ASMTL: variants seen among roughly 807,000 people sequenced by gnomAD.
The protein encoded by ASMTL is acetylserotonin O-methyltransferase like, also known as probable bifunctional dTTP/UTP pyrophosphatase/methyltransferase protein.
A neutral mutation model predicts 60.3 loss-of-function variants in ASMTL; 57 were observed. The observed-to-expected ratio is 0.95, with a 90% CI of 0.76 to 1.18. ASMTL has a LOEUF of 1.18. Among genes scored for constraint, ASMTL ranks in the 50% most tolerant of loss-of-function variants. The pLI, the probability that ASMTL is intolerant of heterozygous loss-of-function variation, is 0.00. For synonymous variants in ASMTL, 419 were observed against 373.0 expected (o/e 1.12, Z -1.42); for missense variants, 981 against 852.6 (o/e 1.15, Z -1.88).
At chrX:1,414,412 C>T (rs2090158572) in intron 11 of ASMTL, among the ~76,000 whole-genome samples, 1 of 152,130 alleles carries the variant, frequency 6.6e-6, no homozygotes, top group Non-Finnish European at 1.5e-5. Flanking sequence ...TTTCAGGGCT[C>T]ATGATTTTAA....
chrX:1,407,931 G>A (rs1407195332), intron 12 of ASMTL, among the ~76,000 whole-genome samples: 2 of 152,052 alleles, frequency 1.3e-5, no homozygotes, highest in Non-Finnish European at 2.9e-5. Context: ...GAGGCCGGGT[G>A]CAGTGGCTCA....
In ASMTL at chrX:1,412,814, G is replaced by A. The variant is rs753552297; in HGVS notation, c.1563C>T (p.Tyr521=). The A allele has an allele frequency of 3.1e-5, 50 of 1,613,854 alleles. No individual in the cohort carries two copies. Among genetic ancestry groups the A allele is most frequent in the Admixed American group, 1.2e-4 (7 of 59,994 alleles). Residue 521 remains tyrosine, a synonymous_variant, in exon 12 of 13, where the codon TAC becomes TAT. Transcript: ENST00000381317. ...AGTCATGCAGGATCCGGCACAGGAC[G>A]TACAGCTCAGCGCTGGGGAGGGGGT... ...FRDPLPSAEL[Y]VLCRILHDWP...
At chrX:1,451,972 C>G (rs142549146) in intron 1 of ASMTL, among the ~76,000 whole-genome samples, 20 of 146,640 alleles carry the variant, frequency 1.4e-4, no homozygotes, top group Non-Finnish European at 2.7e-4. Flanking sequence ...TCCTGGGTTA[C>G]TCTCCCCACC....
At chrX:1,443,122 A>ACCGTCGTCGTGGACACACG (rs1255447139) in intron 1 of ASMTL, among the ~76,000 whole-genome samples, 5 of 149,340 alleles carry the variant, frequency 3.3e-5, no homozygotes, top group Non-Finnish European at 7.4e-5. Flanking sequence ...GTGGACACAC[A>ACCGTCGTCGTGGACACACG]CCGCCGTCGT....
chrX:1,443,358 CTTGG>C (rs2091158137), intron 1 of ASMTL, among the ~76,000 whole-genome samples: 1 of 47,350 alleles, frequency 2.1e-5, no homozygotes. Flanking sequence ...ACACCGCCAT[CTTGG>C]ACACACACCA....
At chrX:1,431,332 T>A (rs1455645800) in intron 6 of ASMTL, among the ~76,000 whole-genome samples, 1 of 131,782 alleles carries the variant, frequency 7.6e-6, no homozygotes, top group Non-Finnish European at 1.5e-5. Context: ...TATATAATTA[T>A]AAATAATTAT....
rs778695327 is a variant in ASMTL at position 1,430,764 on chromosome X, C to A, written c.509+1505G>T. ...TCCAGCCTGGGTGACAGAGTGAGACCGTGTCTCAAAAAAATAAATAAAATT... is the reference window on the plus strand; with the variant it reads ...TCCAGCCTGGGTGACAGAGTGAGACAGTGTCTCAAAAAAATAAATAAAATT... On this transcript the variant is annotated intron_variant, in intron 6 of 12. Transcript: ENST00000381317. Among the ~76,000 whole-genome samples the A allele has an allele frequency of 1.1e-4, 16 of 145,018 alleles. No individual in the cohort carries two copies. The South Asian group carries it at 3.4e-3, about 31-fold the overall frequency.
At chrX:1,448,402 A>G (rs1982061716) in intron 1 of ASMTL, among the ~76,000 whole-genome samples, 1 of 137,994 alleles carries the variant, frequency 7.2e-6, no homozygotes, top group Admixed American at 7.7e-5. Flanking sequence ...ACACACCGCC[A>G]TCTTGGACAC....
chrX:1,419,148 A>G (rs771623627), intron 9 of ASMTL, 34 bp from the exon 10 acceptor site: 1 of 1,607,194 alleles, frequency 6.2e-7, no homozygotes, highest in Admixed American at 1.7e-5. Context: ...GGCACCAGAG[A>G]ACACGGGGCG....
intron 9 of ASMTL, among the ~76,000 whole-genome samples, chrX:1,420,990 C>T (rs1410544478): frequency 6.3e-5 from 9 of 142,872 alleles, no homozygotes; most frequent in East Asian, 2.0e-4. Flanking sequence ...GATGGAGTTT[C>T]GCTCTGTCAC....
chrX:1,411,750 T>C (rs2090031955), intron 12 of ASMTL, among the ~76,000 whole-genome samples: 1 of 151,688 alleles, frequency 6.6e-6, no homozygotes, highest in Admixed American at 6.6e-5. Context: ...TGAAGACTTT[T>C]ATCATGAGCC....
chrX:1,434,969 C>T, intron 5 of ASMTL, 53 bp downstream of exon 5: 1 of 1,600,560 alleles, frequency 6.2e-7, no homozygotes, highest in Non-Finnish European at 8.6e-7. Flanking sequence ...CGAGAATGTC[C>T]CGGGTCCTTG....
In ASMTL at chrX:1,439,100, G is replaced by A. The variant is rs182237458; in HGVS notation, c.270C>T (p.Ile90=). ...GAGGCACCCTGGCCGCACTCACCAC[G>A]ATCGTGTCCGCTCCAATGACCACGT... ...APDVVIGADT[I]VTVGGLILEK... is the part of the protein sequence containing the mutation. Residue 90 remains isoleucine (I), a synonymous_variant, in exon 3 of 13, where the codon ATC becomes ATT. Transcript: ENST00000381317. 1.9e-5 allele frequency: 30 copies of A among 1,613,848 alleles called. No homozygotes were observed. In the East Asian group the frequency reaches 2.0e-4, roughly 11 times the overall value.
chrX:1,418,479 C>T (rs1249793428), intron 10 of ASMTL, among the ~76,000 whole-genome samples: 1 of 151,474 alleles, frequency 6.6e-6, no homozygotes, highest in African/African-American at 2.4e-5. Flanking sequence ...GGGCTGTACT[C>T]CTCCCTTCTC....
chrX:1,415,096 A>T (rs1300728638), intron 11 of ASMTL, among the ~76,000 whole-genome samples: 2 of 151,876 alleles, frequency 1.3e-5, no homozygotes, highest in African/African-American at 4.8e-5. Context: ...ACCCGCCACC[A>T]TGCCTGGCTA....
At chrX:1,407,783 G>A (rs1330699145) in intron 12 of ASMTL, among the ~76,000 whole-genome samples, 3 of 151,850 alleles carry the variant, frequency 2.0e-5, no homozygotes, top group Non-Finnish European at 2.9e-5. Context: ...GTGGAGAGAG[G>A]GAGGAAGAGA....
At chrX:1,420,834 C>T (rs1183667414) in intron 9 of ASMTL, among the ~76,000 whole-genome samples, 2 of 152,324 alleles carry the variant, frequency 1.3e-5, no homozygotes, top group African/African-American at 4.8e-5. Flanking sequence ...TGTTCTGTCA[C>T]CCGGGCTGGA....
At chrX:1,433,932 G>C (rs1489488422) in intron 5 of ASMTL, among the ~76,000 whole-genome samples, 4 of 152,168 alleles carry the variant, frequency 2.6e-5, no homozygotes, top group African/African-American at 4.8e-5. Flanking sequence ...CCCAACCTGA[G>C]CAGGTGCTTG....
intron 7 of ASMTL, among the ~76,000 whole-genome samples, chrX:1,427,193 C>G (rs4582725): frequency 0.046 from 6,902 of 151,612 alleles, 495 homozygotes; most frequent in African/African-American, 0.16. Flanking sequence ...GATACGGCCA[C>G]AAGCCCAGGG....
Sources: allele counts gnomAD v4.1 joint callset (sites outside exome capture counted in the v4.1 genomes callset), GRCh38; gene constraint gnomAD v4.1.1; transcripts MANE v1.5; gene names NCBI Gene and HGNC (gene_info 2026-07-23, HGNC 2026-07-21).